FRMPD1: variants seen among roughly 807,000 people sequenced by gnomAD.
FRMPD1 encodes the protein FERM and PDZ domain containing 1.
In FRMPD1, 76 loss-of-function variants were observed where a neutral mutation model predicts 117.8. The observed-to-expected ratio is 0.65, with a 90% CI of 0.54 to 0.78. FRMPD1 has a LOEUF of 0.78. FRMPD1 is among the 30% of genes least tolerant of loss of function. The probability of loss-of-function intolerance (pLI) is 0.00; values close to 1 mark genes in which losing one functional copy is unlikely to be tolerated. For synonymous variants in FRMPD1, 783 were observed against 770.4 expected (o/e 1.02, Z -0.27); for missense variants, 1,786 against 1,964.5 (o/e 0.91, Z 1.72).
chr9:37,603,471 G>A, the FRMPD1 span, among the ~76,000 whole-genome samples: 1 of 152,176 alleles, frequency 6.6e-6, no homozygotes, highest in East Asian at 1.9e-4. Flanking sequence ...TGGAAGTAGA[G>A]ACTTCTGGGA....
At chr9:37,723,183 C>G (rs987905787) in intron 6 of FRMPD1, among the ~76,000 whole-genome samples, 6 of 152,078 alleles carry the variant, frequency 3.9e-5, no homozygotes, top group African/African-American at 1.4e-4. Context: ...CATCCCACCC[C>G]AATCCTACAA....
At chr9:37,678,149 T>A (rs571613812) in intron 1 of FRMPD1, among the ~76,000 whole-genome samples, 30 of 151,990 alleles carry the variant, frequency 2.0e-4, no homozygotes, top group African/African-American at 6.8e-4. Context: ...TCTGGAGATA[T>A]GTGTGGGAGA....
chr9:37,684,955 A>G (rs1404995575), intron 1 of FRMPD1, among the ~76,000 whole-genome samples: 1 of 151,972 alleles, frequency 6.6e-6, no homozygotes, highest in Non-Finnish European at 1.5e-5. Flanking sequence ...GGATTTCACT[A>G]TGTTGCCCAG....
the FRMPD1 span, among the ~76,000 whole-genome samples, chr9:37,615,515 C>T: frequency 6.6e-6 from 1 of 152,174 alleles, no homozygotes; most frequent in East Asian, 1.9e-4. Context: ...GGTCTGAGAA[C>T]CATTCTGTTT....
intron 1 of FRMPD1, among the ~76,000 whole-genome samples, chr9:37,689,530 A>T (rs1822061639): frequency 6.6e-6 from 1 of 152,086 alleles, no homozygotes; most frequent in Non-Finnish European, 1.5e-5. Context: ...CATGCATCTC[A>T]ACAGTTGCTC....
Position 37,745,642 on chromosome 9 carries a change from T to G in FRMPD1, c.3610T>G (p.Leu1204Val). ...TCAAGAACAAAAACTATTCGTAGAGTTGGATTTAGACCCTGATTTCTTTCT... is the reference window on the plus strand; with the variant it reads ...TCAAGAACAAAAACTATTCGTAGAGGTGGATTTAGACCCTGATTTCTTTCT... ...QAQEQKLFVE[L>V]DLDPDFFLGK... Residue 1204 changes from leucine (L) to valine (V), a missense_variant, in exon 16 of 16, where the codon TTG (leucine) becomes GTG (valine). Physicochemically the swap from Leu to Val is conservative, Grantham distance 32. Coordinates refer to ENST00000377765, the MANE Select transcript of FRMPD1 (RefSeq NM_014907.3). The G allele has an allele frequency of 6.2e-7, 1 of 1,613,996 alleles. No individual in the cohort carries two copies. Among genetic ancestry groups the G allele is most frequent in the Non-Finnish European group, 8.5e-7 (1 of 1,180,012 alleles).
rs35078007 is a variant in FRMPD1, at chr9:37,740,787, C to G, written c.2259C>G (p.Pro753=). Reference sequence around the variant, plus strand: ...CCCAGCCCAGTTCCATGCTGGAACCCCTGGCCCTGCACCCACCACTGGCCT... The same window carrying G: ...CCCAGCCCAGTTCCATGCTGGAACCGCTGGCCCTGCACCCACCACTGGCCT... The part of the protein sequence containing the change: ...TEAQPSSMLE[P]LALHPPLAFE... The change falls in exon 15 of 16, where the codon CCC becomes CCG. Residue 753 remains proline, a synonymous_variant. Transcript: ENST00000377765. This position sits in a 1 kb window ranked among gnomAD's most constrained non-coding sequence, Gnocchi z 4.2. 1.1e-3 allele frequency: 1,767 copies of G among 1,614,064 alleles called. 17 individuals carry two copies. In the African/African-American group the frequency reaches 0.02, roughly 19 times the overall value.
the FRMPD1 span, among the ~76,000 whole-genome samples, chr9:37,625,806 C>T: frequency 3.9e-5 from 6 of 152,346 alleles, no homozygotes; most frequent in East Asian, 1.2e-3. Flanking sequence ...GAGCCCTCCT[C>T]GTGTCCACAG....
At chr9:37,716,240 C>A (rs10758453) in intron 5 of FRMPD1, among the ~76,000 whole-genome samples, 104,707 of 151,536 alleles carry the variant, frequency 0.69, 36,394 homozygotes, top group East Asian at 0.94. Context: ...GCTGGTTTTC[C>A]AAGGGATAGC....
At chr9:37,637,331 C>T in the FRMPD1 span, 3 of 985,950 alleles carry the variant, frequency 3.0e-6, no homozygotes, top group Admixed American at 1.7e-5. Context: ...TCCCAGTCGG[C>T]TCTGCTCCGC....
At chr9:37,660,942 C>A (rs933852327) in intron 1 of FRMPD1, among the ~76,000 whole-genome samples, 5 of 152,324 alleles carry the variant, frequency 3.3e-5, no homozygotes, top group Middle Eastern at 3.4e-3. Flanking sequence ...CAGCTGCCTT[C>A]ATTGGTCTCT....
chr9:37,625,482 C>T, the FRMPD1 span, among the ~76,000 whole-genome samples: 1 of 152,074 alleles, frequency 6.6e-6, no homozygotes, highest in African/African-American at 2.4e-5. Flanking sequence ...TAGGTGGACG[C>T]GCAGGAGTGT....
the FRMPD1 span, chr9:37,636,994 C>T: frequency 6.3e-7 from 1 of 1,575,194 alleles, no homozygotes; most frequent in African/African-American, 1.3e-5. Flanking sequence ...GCAGCCACTG[C>T]TTCACGTTGG....
intron 1 of FRMPD1, among the ~76,000 whole-genome samples, chr9:37,683,008 G>A (rs1434053372): frequency 6.6e-6 from 1 of 152,112 alleles, no homozygotes; most frequent in East Asian, 1.9e-4. Context: ...ACCTTAAAAA[G>A]ACATCTCTTA....
Position 37,653,858 on chromosome 9 carries a change from A to T in FRMPD1, c.-5+2764A>T, listed in dbSNP as rs181027248. Among the ~76,000 whole-genome samples the T allele has an allele frequency of 2.5e-3, 378 of 152,210 alleles. 1 individual carries two copies. The highest frequency in any genetic ancestry group is 6.8e-3 in the Middle Eastern group (2 of 294). ...GTGGTCCCAGCTACTTGGGAGGCTG[A>T]GGTGCTGAGGTGGGAGGATCACTTG... On this transcript the variant is annotated intron_variant, in intron 1 of 15. Transcript: ENST00000377765.
At chr9:37,653,459 T>C (rs901406880) in intron 1 of FRMPD1, among the ~76,000 whole-genome samples, 2 of 152,184 alleles carry the variant, frequency 1.3e-5, no homozygotes, top group Non-Finnish European at 2.9e-5. Flanking sequence ...AGGTGCCTCC[T>C]GATTCAAGGG....
At chr9:37,647,406 G>A (rs1296070485), upstream of FRMPD1, among the ~76,000 whole-genome samples, 3 of 151,642 alleles carry the variant, frequency 2.0e-5, no homozygotes, top group Non-Finnish European at 2.9e-5. Flanking sequence ...CAGCTACTCC[G>A]GAGGCTCAGG....
Position 37,678,251 on chromosome 9 carries a change from C to CTTTTTTTTTTTTTTTTTT in FRMPD1, c.-4-14376_-4-14359dup, listed in dbSNP as rs34040451. Among the ~76,000 whole-genome samples the CTTTTTTTTTTTTTTTTTT allele has an allele frequency of 7.5e-5, 6 of 79,842 alleles. 1 individual carries two copies. Among genetic ancestry groups the CTTTTTTTTTTTTTTTTTT allele is most frequent in the African/African-American group, 2.6e-4 (5 of 19,412 alleles). 52.4% of individuals were successfully genotyped at this position (79,842 alleles called of 152,430 possible). ...CTCTTTTCCCCTCTAGTACTTACCA[C>CTTTTTTTTTTTTTTTTTT]TTTTTTTTTTTTTTTTTTTTTTTTT... On this transcript the variant is annotated intron_variant, in intron 1 of 15. Coordinates refer to ENST00000377765, the MANE Select transcript of FRMPD1 (RefSeq NM_014907.3).
chr9:37,681,664 G>C (rs1329884664), intron 1 of FRMPD1, among the ~76,000 whole-genome samples: 1 of 152,162 alleles, frequency 6.6e-6, no homozygotes, highest in Non-Finnish European at 1.5e-5. Context: ...GGGCTTAGAA[G>C]GTTCCATAGT....
Sources: gnomAD v4.1 joint callset for allele counts (sites outside exome capture counted in the v4.1 genomes callset) on GRCh38, gnomAD v4.1.1 for gene constraint, Gnocchi (gnomAD v3.1) non-coding constraint, MANE v1.5 for transcripts, NCBI Gene and HGNC (gene_info 2026-07-23, HGNC 2026-07-21) for gene names.